Variants in PPP1R9A observed in about 807,000 individuals in gnomAD.
PPP1R9A encodes protein phosphatase 1 regulatory subunit 9A.
PPP1R9A carries 59 observed loss-of-function variants against 141.9 expected under a neutral mutation model. The observed-to-expected ratio is 0.42, with a 90% confidence interval of 0.34 to 0.52. The LOEUF (loss-of-function observed/expected upper bound fraction) is 0.52, where lower values mean the gene tolerates loss of function less well. Ranked by LOEUF, PPP1R9A falls within the 20% of genes least tolerant of loss-of-function variation. PPP1R9A has a pLI of 0.10. For synonymous variants in PPP1R9A, 500 were observed against 569.7 expected, an observed-to-expected ratio of 0.88 and a Z score of 1.74; for missense variants, 1,444 against 1,611.9, an observed-to-expected ratio of 0.90 and a Z score of 1.78.
intron 2 of PPP1R9A, among the ~76,000 whole-genome samples, chr7:94,981,717 G>C (rs1457941236): frequency 2.6e-5 from 4 of 151,968 alleles, no homozygotes; most frequent in Non-Finnish European, 5.9e-5. Flanking sequence ...TGTATTTCTT[G>C]TCTTTTCACA....
At chr7:94,972,145 A>G (rs1041887610) in intron 2 of PPP1R9A, among the ~76,000 whole-genome samples, 2 of 152,220 alleles carry the variant, frequency 1.3e-5, no homozygotes, top group Admixed American at 6.5e-5. Flanking sequence ...TTTAATTCAT[A>G]AAAGCAGTTG....
intron 2 of PPP1R9A, among the ~76,000 whole-genome samples, chr7:94,956,672 C>T (rs567200257): frequency 2.6e-5 from 4 of 152,118 alleles, no homozygotes; most frequent in East Asian, 1.9e-4. Flanking sequence ...TGCGCTACTG[C>T]ACTCCAGCCT....
At chr7:95,169,767 T>A (rs1327283147) in intron 5 of PPP1R9A, among the ~76,000 whole-genome samples, 1 of 151,928 alleles carries the variant, frequency 6.6e-6, no homozygotes, top group East Asian at 1.9e-4. Flanking sequence ...GAAAGATTTG[T>A]TTTTTAGTAC....
chr7:95,139,612 T>C (rs1826275083), intron 4 of PPP1R9A, among the ~76,000 whole-genome samples: 1 of 152,116 alleles, frequency 6.6e-6, no homozygotes, highest in South Asian at 2.1e-4. Context: ...GACTATCTTA[T>C]CCAGTAAGGT....
At chr7:95,050,972 T>G (rs1329891326) in intron 2 of PPP1R9A, among the ~76,000 whole-genome samples, 1 of 152,146 alleles carries the variant, frequency 6.6e-6, no homozygotes, top group Non-Finnish European at 1.5e-5. Flanking sequence ...TAAGTCCAGC[T>G]TATCAATTCT....
intron 5 of PPP1R9A, among the ~76,000 whole-genome samples, chr7:95,174,072 A>G (rs1453800955): frequency 1.3e-5 from 2 of 152,144 alleles, no homozygotes; most frequent in Admixed American, 6.6e-5. Flanking sequence ...TTGCATATTC[A>G]TAGCAGCTTT....
Position 95,284,078 on chromosome 7 carries a change from C to T in PPP1R9A, c.3357C>T (p.Ser1119=). 1 of 1,597,462 alleles carries T rather than the reference C, an allele frequency of 6.3e-7. No individual in the cohort carries two copies. The change falls in exon 17 of 20, where the codon TCC becomes TCT. Residue 1119 remains serine (S), a synonymous_variant. Coordinates refer to ENST00000433360, the MANE Select transcript of PPP1R9A (RefSeq NM_001166160.2). ...TPKPCSTAQT[S]TRSPCMPFSW... ...AGCCATGTTCAACAGCTCAGACCTC[C>T]ACTCGTTCCCCTTGCATGCCTTTCT...
At chr7:95,235,262 A>G (rs186556102) in intron 8 of PPP1R9A, among the ~76,000 whole-genome samples, 1 of 152,194 alleles carries the variant, frequency 6.6e-6, no homozygotes, top group African/African-American at 2.4e-5. Context: ...TTTGCCATCT[A>G]TACATCTGAC....
chr7:94,910,352 A>G lies in PPP1R9A; in HGVS notation c.239A>G (p.Asn80Ser). The G allele has an allele frequency of 5.0e-6, 8 of 1,614,116 alleles. No individual in the cohort carries two copies. Among genetic ancestry groups the G allele is most frequent in the Non-Finnish European group, 6.8e-6 (8 of 1,180,010 alleles). Reference protein sequence around the residue: ...FMQMGMEPNENAAVIAKTRGK... With the variant: ...FMQMGMEPNESAAVIAKTRGK... Reference sequence around the variant, plus strand: ...CAGATGGGTATGGAACCCAACGAGAATGCTGCAGTCATTGCCAAAACAAGG... The same window carrying G: ...CAGATGGGTATGGAACCCAACGAGAGTGCTGCAGTCATTGCCAAAACAAGG... Residue 80 changes from asparagine (N) to serine (S), a missense_variant, in exon 2 of 20, where the codon AAT becomes AGT. By Grantham distance (46) the Asn-to-Ser change is conservative. Around this residue, in one of 5 missense-constraint regions of PPP1R9A, gnomAD observed 490 missense variants for 521.1 expected, o/e 0.94. Transcript: ENST00000433360. The surrounding 1 kb of genome is among the most constrained non-coding windows in gnomAD (Gnocchi z 4.5).
rs1342263101 is a variant in PPP1R9A, at chr7:95,119,184, AAAAT to A, written c.1529-1525_1529-1522del. Among the ~76,000 whole-genome samples the A allele has an allele frequency of 5.9e-5, 9 of 152,296 alleles. No individual in the cohort carries two copies. The Middle Eastern group carries it at 0.01, about 173-fold the overall frequency. On this transcript the variant is annotated intron_variant, in intron 3 of 19. Coordinates refer to ENST00000433360, the MANE Select transcript of PPP1R9A (RefSeq NM_001166160.2). ...ATTACAAAGACTTTGAGGCTATCAG[AAAAT>A]AACCTTGAACTTTAACTAAAACATG...
chr7:94,939,743 A>G (rs1315528713), intron 2 of PPP1R9A, among the ~76,000 whole-genome samples: 3 of 151,522 alleles, frequency 2.0e-5, no homozygotes, highest in Non-Finnish European at 4.4e-5. Flanking sequence ...AGAAGATTGT[A>G]TAATGTTATG....
chr7:95,163,249 G>C (rs116735947), intron 5 of PPP1R9A, among the ~76,000 whole-genome samples: 6 of 152,070 alleles, frequency 3.9e-5, no homozygotes, highest in Non-Finnish European at 5.9e-5. Flanking sequence ...TGTTGACTGC[G>C]TAATCTTGTG....
At chr7:95,137,517 C>T (rs1341877851) in intron 4 of PPP1R9A, among the ~76,000 whole-genome samples, 1 of 151,082 alleles carries the variant, frequency 6.6e-6, no homozygotes, top group Non-Finnish European at 1.5e-5. Context: ...AAATCAAGTC[C>T]TGTTGAAATG....
rs185696543 is a variant in PPP1R9A, at chr7:95,205,895, A to G, written c.1956+2165A>G. ...TTGCTACAGCATTTTAATTGTCTTG[A>G]GAGTCCATGAATTTGCAAGAAGACC... On this transcript the variant is annotated intron_variant, in intron 7 of 19. Transcript: ENST00000433360. Among the ~76,000 whole-genome samples, 29 of 152,250 alleles carry G rather than the reference A, an allele frequency of 1.9e-4. No individual in the cohort carries two copies. In the East Asian group the frequency reaches 4.8e-3, roughly 25 times the overall value.
chr7:95,189,616 T>G (rs1312510948), intron 5 of PPP1R9A, among the ~76,000 whole-genome samples: 1 of 151,376 alleles, frequency 6.6e-6, no homozygotes, highest in Non-Finnish European at 1.5e-5. Flanking sequence ...TTTTGTATTT[T>G]TAGTAGAGAC....
intron 2 of PPP1R9A, among the ~76,000 whole-genome samples, chr7:95,101,789 C>G (rs1172331827): frequency 2.0e-5 from 3 of 152,128 alleles, no homozygotes; most frequent in African/African-American, 7.2e-5. Flanking sequence ...ATAAATTGAC[C>G]TTTACTTTCT....
At chr7:95,013,404 T>C (rs1385374723) in intron 2 of PPP1R9A, among the ~76,000 whole-genome samples, 1 of 152,142 alleles carries the variant, frequency 6.6e-6, no homozygotes, top group Non-Finnish European at 1.5e-5. Flanking sequence ...TTAAATAGTT[T>C]TTGTTCCATG....
intron 2 of PPP1R9A, among the ~76,000 whole-genome samples, chr7:95,110,419 T>C (rs1486978015): frequency 6.6e-6 from 1 of 152,182 alleles, no homozygotes; most frequent in Non-Finnish European, 1.5e-5. Flanking sequence ...AATTATTGAA[T>C]TTTATTGAAA....
At chr7:95,079,267 G>A (rs945907311) in intron 2 of PPP1R9A, among the ~76,000 whole-genome samples, 1 of 152,032 alleles carries the variant, frequency 6.6e-6, no homozygotes, top group Non-Finnish European at 1.5e-5. Context: ...GTTTTTCTCA[G>A]GTTTGTCAAA....
Sources: allele counts gnomAD v4.1 joint callset (sites outside exome capture counted in the v4.1 genomes callset), GRCh38; gene constraint gnomAD v4.1.1; regional missense constraint gnomAD v4.1.1; non-coding constraint Gnocchi (gnomAD v3.1); transcripts MANE v1.5; gene names NCBI Gene and HGNC (gene_info 2026-07-23, HGNC 2026-07-21).